TSPAN16: variants seen among roughly 807,000 people sequenced by gnomAD.
TSPAN16 encodes the protein tetraspanin-16.
In TSPAN16, 23 loss-of-function variants were observed where a neutral mutation model predicts 25.2. The ratio of observed to expected loss-of-function variants is 0.91; its 90% CI spans 0.66 to 1.29. The LOEUF (loss-of-function observed/expected upper bound fraction) is 1.29. TSPAN16 is among the 50% of genes most tolerant of loss of function. The probability of loss-of-function intolerance (pLI) is 0.00; values close to 1 mark genes in which losing one functional copy is unlikely to be tolerated. For synonymous variants in TSPAN16, 123 were observed against 124.4 expected, an observed-to-expected ratio of 0.99 and a Z score of 0.08; for missense variants, 272 against 299.9, an observed-to-expected ratio of 0.91 and a Z score of 0.69.
At chr19:11,322,105 G>C (rs955550305) in intron 6 of TSPAN16, 2 of 152,152 alleles carry the variant, frequency 1.3e-5, no homozygotes, top group African/African-American at 4.8e-5. Flanking sequence ...TTGTTGAGAA[G>C]AGTACATCTT....
chr19:11,299,277 T>TA (rs79310496), intron 3 of TSPAN16, among the ~76,000 whole-genome samples: 2,328 of 141,384 alleles, frequency 0.016, 39 homozygotes, highest in African/African-American at 0.052. Context: ...GAGACTCCGT[T>TA]AAAAAAAAAA....
intron 1 of TSPAN16, among the ~76,000 whole-genome samples, 187 bp from the exon 2 acceptor site, chr19:11,297,954 AT>A (rs34399771): frequency 3.4e-5 from 5 of 149,182 alleles, no homozygotes; most frequent in Non-Finnish European, 4.5e-5. Flanking sequence ...ACTACTGGCT[AT>A]TTTTTTTTTG....
chr19:11,324,611 C>A (rs2080800500), intron 6 of TSPAN16: 1 of 152,644 alleles, frequency 6.6e-6, no homozygotes, highest in Admixed American at 6.5e-5. Flanking sequence ...TTGGGCGAAT[C>A]TCTGCCCAGT....
downstream of TSPAN16, among the ~76,000 whole-genome samples, chr19:11,317,389 C>T (rs1369317462): frequency 6.6e-6 from 1 of 152,186 alleles, no homozygotes; most frequent in African/African-American, 2.4e-5. Flanking sequence ...GATTGTTGCT[C>T]AGGGTAACCT....
At chr19:11,316,111 GTGTGTGGTTTTTTTTTTT>G (rs1050374496), downstream of TSPAN16, 51 of 320,588 alleles carry the variant, frequency 1.6e-4, 1 homozygote, top group Non-Finnish European at 2.3e-4. Context: ...GTGTGTGTGT[GTGTGTGGTTTTTTTTTTT>G]TTTTCCTTTT....
intron 6 of TSPAN16, among the ~76,000 whole-genome samples, chr19:11,313,764 A>C (rs1402821475): frequency 6.6e-6 from 1 of 152,196 alleles, no homozygotes; most frequent in Admixed American, 6.6e-5. Flanking sequence ...TTGAATCCTT[A>C]CACATTGTTG....
chr19:11,303,118 G>A (rs971949630), intron 4 of TSPAN16, among the ~76,000 whole-genome samples: 2 of 150,014 alleles, frequency 1.3e-5, no homozygotes, highest in Admixed American at 6.6e-5. Flanking sequence ...ATAGAAAGGG[G>A]GGAAAGGTGG....
At chr19:11,313,137 A>G (rs546549270) in intron 6 of TSPAN16, among the ~76,000 whole-genome samples, 1 of 152,196 alleles carries the variant, frequency 6.6e-6, no homozygotes, top group African/African-American at 2.4e-5. Flanking sequence ...TTCACCTGCA[A>G]ACTCTGCCAA....
At chr19:11,326,501 G>A (rs974387953) in intron 6 of TSPAN16, among the ~76,000 whole-genome samples, 2 of 152,226 alleles carry the variant, frequency 1.3e-5, no homozygotes, top group African/African-American at 4.8e-5. Context: ...GAGTTCTGCT[G>A]CCCTGCGGCC....
intron 6 of TSPAN16, among the ~76,000 whole-genome samples, chr19:11,313,289 G>A (rs1269419205): frequency 6.6e-6 from 1 of 152,198 alleles, no homozygotes. Context: ...TGAGGCAGGC[G>A]GCTCACGAGG....
chr19:11,313,105 T>A (rs990356741), intron 6 of TSPAN16, among the ~76,000 whole-genome samples: 9 of 152,106 alleles, frequency 5.9e-5, no homozygotes, highest in African/African-American at 2.2e-4. Context: ...TTACCAAACT[T>A]TTAAAGAATT....
At chr19:11,317,849 TG>T (rs1399943706), downstream of TSPAN16, among the ~76,000 whole-genome samples, 1 of 151,192 alleles carries the variant, frequency 6.6e-6, no homozygotes, top group Admixed American at 6.6e-5. Flanking sequence ...GTGAAATGCT[TG>T]GGGAGTGCCA....
chr19:11,319,145 T>C (rs2080763476), downstream of TSPAN16, among the ~76,000 whole-genome samples: 1 of 152,162 alleles, frequency 6.6e-6, no homozygotes, highest in African/African-American at 2.4e-5. Context: ...TTCAGAGGTA[T>C]CAAGTATTGA....
rs148179823 is a variant in TSPAN16 at position 11,304,071 on chromosome 19, C to T, written c.451-2533C>T. 4.8e-3 allele frequency among the ~76,000 whole-genome samples: 729 copies of T among 151,562 alleles called. 13 individuals carry two copies. Among genetic ancestry groups the T allele is most frequent in the Admixed American group, 0.027 (409 of 15,220 alleles). On this transcript the variant is annotated intron_variant, in intron 4 of 6. Transcript: ENST00000590327. ...TGCTGGGATTACAGGTGTGAGCCACCGTGCACGGCCAATTTTCTGTTATTT... is the reference window on the plus strand; with the variant it reads ...TGCTGGGATTACAGGTGTGAGCCACTGTGCACGGCCAATTTTCTGTTATTT...
At chr19:11,318,523 G>A (rs1330017806), downstream of TSPAN16, among the ~76,000 whole-genome samples, 3 of 152,048 alleles carry the variant, frequency 2.0e-5, no homozygotes, top group Non-Finnish European at 4.4e-5. Flanking sequence ...GATCCTAGTG[G>A]TTTTTAAGAT....
intron 5 of TSPAN16, among the ~76,000 whole-genome samples, chr19:11,311,405 A>C (rs1471477436): frequency 6.7e-6 from 1 of 148,930 alleles, no homozygotes; most frequent in Admixed American, 6.9e-5. Context: ...AAGTGCTGAG[A>C]TTATAGGCAT....
chr19:11,320,584 G>C (rs1177327802), downstream of TSPAN16, among the ~76,000 whole-genome samples: 1 of 151,604 alleles, frequency 6.6e-6, no homozygotes, highest in Non-Finnish European at 1.5e-5. Flanking sequence ...GAAGTGGGAG[G>C]ATCCTTTGAG....
At chr19:11,325,720 C>T in intron 6 of TSPAN16, 2 of 736,684 alleles carry the variant, frequency 2.7e-6, no homozygotes, top group Non-Finnish European at 4.4e-6. Context: ...TGTGCCTTTG[C>T]CACTCCAAGC....
intron 6 of TSPAN16, chr19:11,322,354 GA>G (rs111894199): frequency 1.0e-3 from 139 of 138,760 alleles, no homozygotes; most frequent in Middle Eastern, 7.2e-3. Flanking sequence ...AAAAGAAGAA[GA>G]AAAAAAAAAA....
Sources: gnomAD v4.1 joint callset for allele counts (sites outside exome capture counted in the v4.1 genomes callset) on GRCh38, gnomAD v4.1.1 for gene constraint, MANE v1.5 for transcripts, NCBI Gene and HGNC (gene_info 2026-07-23, HGNC 2026-07-21) for gene names.